LYPD6: variants seen among roughly 807,000 people sequenced by gnomAD.
LYPD6 encodes LY6/PLAUR domain containing 6, also known as ly6/PLAUR domain-containing protein 6.
LYPD6 carries 15 observed loss-of-function variants against 22.7 expected under a neutral mutation model. That is an observed-to-expected ratio of 0.66 (90% CI 0.44 to 1.02). LYPD6 has a LOEUF of 1.02. Ranked by LOEUF, LYPD6 falls within the 50% of genes least tolerant of loss-of-function variation. The pLI is 0.00. For missense variants in LYPD6, 189 were observed against 208.4 expected (o/e 0.91, Z 0.57); for synonymous variants, 72 against 77.5 (o/e 0.93, Z 0.37).
intron 3 of LYPD6, among the ~76,000 whole-genome samples, chr2:149,455,512 C>T (rs1680937968): frequency 6.6e-6 from 1 of 152,146 alleles, no homozygotes; most frequent in Non-Finnish European, 1.5e-5. Flanking sequence ...CCCACCTCGG[C>T]CTTCCAAAGT....
At chr2:149,366,197 G>A (rs1196708) in intron 1 of LYPD6, among the ~76,000 whole-genome samples, 81,435 of 152,098 alleles carry the variant, frequency 0.54, 23,741 homozygotes, top group East Asian at 0.9. Context: ...TTTATTAAAT[G>A]TGAGCTTTGT....
chr2:149,466,408 G>A (rs1681201704), intron 3 of LYPD6, among the ~76,000 whole-genome samples: 2 of 152,138 alleles, frequency 1.3e-5, no homozygotes, highest in African/African-American at 4.8e-5. Context: ...GGAAGTGATG[G>A]CAGTGTTCTC....
At position 149,437,665 on chromosome 2, in the gene LYPD6, T is replaced by G; in HGVS notation, c.-44T>G. On this transcript the variant is annotated 5_prime_UTR_variant, in exon 2 of 5. Coordinates refer to ENST00000334166, the MANE Select transcript of LYPD6 (RefSeq NM_194317.5). ...GCAAGTTCTCTCCTGTTGCCCTGAGTGCCCACTCCCAGGCCCTCTGTATGA... is the reference window on the plus strand; with the variant it reads ...GCAAGTTCTCTCCTGTTGCCCTGAGGGCCCACTCCCAGGCCCTCTGTATGA... The G allele has an allele frequency of 1.2e-6, 2 of 1,607,564 alleles. No homozygotes were observed. The highest frequency in any genetic ancestry group is 1.7e-6 in the Non-Finnish European group (2 of 1,175,818).
chr2:149,339,733 C>T (rs964478126), intron 1 of LYPD6, among the ~76,000 whole-genome samples: 1 of 152,270 alleles, frequency 6.6e-6, no homozygotes. Flanking sequence ...TGTAATACCC[C>T]TACCTCCTGT....
intron 1 of LYPD6, among the ~76,000 whole-genome samples, chr2:149,334,913 C>G (rs1236818832): frequency 1.3e-5 from 2 of 152,238 alleles, no homozygotes; most frequent in Middle Eastern, 3.4e-3. Context: ...ATTCCTATCA[C>G]CTAGTGACAT....
intron 1 of LYPD6, among the ~76,000 whole-genome samples, chr2:149,398,427 G>C (rs1447605571): frequency 6.7e-6 from 1 of 149,194 alleles, no homozygotes; most frequent in African/African-American, 2.6e-5. Context: ...GTGTGTGTGT[G>C]TGTGTGTGTG....
intron 1 of LYPD6, among the ~76,000 whole-genome samples, chr2:149,394,580 ATCTG>A (rs1310520861): frequency 3.9e-5 from 6 of 152,118 alleles, no homozygotes; most frequent in African/African-American, 1.4e-4. Context: ...TTGACATTTC[ATCTG>A]TCTGTAATGA....
chr2:149,426,852 A>G (rs1322358916), intron 1 of LYPD6, among the ~76,000 whole-genome samples: 1 of 152,192 alleles, frequency 6.6e-6, no homozygotes, highest in East Asian at 1.9e-4. Context: ...GGGTGGGAGA[A>G]TGAACTGATC....
intron 1 of LYPD6, among the ~76,000 whole-genome samples, chr2:149,338,550 C>T (rs950247958): frequency 2.0e-5 from 3 of 152,104 alleles, no homozygotes; most frequent in African/African-American, 7.2e-5. Context: ...AAGGAGCTCC[C>T]TTGTTTCTTC....
intron 1 of LYPD6, among the ~76,000 whole-genome samples, chr2:149,372,966 T>G (rs1458941257): frequency 6.6e-6 from 1 of 152,192 alleles, no homozygotes; most frequent in Non-Finnish European, 1.5e-5. Context: ...TTTCTGGAGT[T>G]TTAAGATCCT....
chr2:149,331,152 G>A (rs1376659706), intron 1 of LYPD6, among the ~76,000 whole-genome samples: 1 of 152,136 alleles, frequency 6.6e-6, no homozygotes, highest in African/African-American at 2.4e-5. Context: ...GGGGCGGGGG[G>A]CAGTGGCGGT....
chr2:149,334,339 T>C (rs1213825152), intron 1 of LYPD6, among the ~76,000 whole-genome samples: 1 of 152,236 alleles, frequency 6.6e-6, no homozygotes, highest in Non-Finnish European at 1.5e-5. Context: ...ACTACTCATC[T>C]TTCATCATAC....
At chr2:149,399,248 G>A (rs1485638586) in intron 1 of LYPD6, among the ~76,000 whole-genome samples, 1 of 151,966 alleles carries the variant, frequency 6.6e-6, no homozygotes, top group African/African-American at 2.4e-5. Context: ...ATTAGTACCT[G>A]TAACTTTGTC....
At chr2:149,458,041 G>C (rs1315655262) in intron 3 of LYPD6, among the ~76,000 whole-genome samples, 1 of 152,196 alleles carries the variant, frequency 6.6e-6, no homozygotes, top group Admixed American at 6.5e-5. Flanking sequence ...ATAACTTTTA[G>C]ACAATAGCTG....
At chr2:149,387,865 C>T (rs1183668447) in intron 1 of LYPD6, among the ~76,000 whole-genome samples, 4 of 152,190 alleles carry the variant, frequency 2.6e-5, no homozygotes, top group African/African-American at 9.7e-5. Flanking sequence ...CAAGGCTCAT[C>T]CATCAGTCAC....
chr2:149,398,162 G>A (rs994707740), intron 1 of LYPD6, among the ~76,000 whole-genome samples: 4 of 152,120 alleles, frequency 2.6e-5, no homozygotes, highest in African/African-American at 4.8e-5. Context: ...GGTACTGGAC[G>A]AGCTCTTTCA....
intron 1 of LYPD6, among the ~76,000 whole-genome samples, chr2:149,400,997 C>A (rs968097174): frequency 6.6e-6 from 1 of 152,120 alleles, no homozygotes; most frequent in Admixed American, 6.6e-5. Context: ...GACAACCATG[C>A]CTTTGGGCTT....
At chr2:149,368,072 G>A (rs917821344) in intron 1 of LYPD6, 8 of 152,132 alleles carry the variant, frequency 5.3e-5, no homozygotes, top group Admixed American at 2.0e-4. Flanking sequence ...CACAATTACC[G>A]AATATCATCA....
chr2:149,350,270 T>C (rs1040601456), intron 1 of LYPD6, among the ~76,000 whole-genome samples: 15 of 152,266 alleles, frequency 9.9e-5, no homozygotes, highest in African/African-American at 2.9e-4. Context: ...AAGGTTTTCA[T>C]GGAGTTGCAA....
Sources: gnomAD v4.1 joint callset for allele counts (sites outside exome capture counted in the v4.1 genomes callset) on GRCh38, gnomAD v4.1.1 for gene constraint, MANE v1.5 for transcripts, NCBI Gene and HGNC (gene_info 2026-07-23, HGNC 2026-07-21) for gene names.